The following GALNT2 variants were observed in gnomAD, a reference collection of about 807,000 sequenced individuals.
GALNT2 encodes UDP-GalNAc:polypeptide N-acetylgalactosaminyltransferase 2.
Under a neutral mutation model 81.4 loss-of-function variants are expected in GALNT2, and 31 were observed. That is an observed-to-expected ratio of 0.38 (90% confidence interval 0.29 to 0.51). The LOEUF (loss-of-function observed/expected upper bound fraction) is 0.51. Among genes scored for constraint, GALNT2 ranks in the 20% least tolerant of loss-of-function variants. GALNT2 has a pLI of 0.87. For missense variants in GALNT2, 629 were observed against 765.7 expected, an observed-to-expected ratio of 0.82 and a Z score of 2.11; for synonymous variants, 303 against 287.4, an observed-to-expected ratio of 1.05 and a Z score of -0.55.
intron 1 of GALNT2, among the ~76,000 whole-genome samples, chr1:230,176,114 C>T (rs1662971282): frequency 6.6e-6 from 1 of 151,902 alleles, no homozygotes; most frequent in African/African-American, 2.4e-5. Flanking sequence ...CATGAACTCA[C>T]CCTGCACTAG....
chr1:230,189,308 T>C (rs1663441359), intron 2 of GALNT2, among the ~76,000 whole-genome samples: 1 of 152,176 alleles, frequency 6.6e-6, no homozygotes, highest in Non-Finnish European at 1.5e-5. Flanking sequence ...TCCTGGGCTG[T>C]GTCTTCATCA....
rs1423684617 is a variant in GALNT2 at position 230,271,730 on chromosome 1, G to A, written c.1441-2715G>A. ...TGGACGGGAGAGATGCATAGCACGCGGTGTGGAGGTGGGGTGTTGGAGCTT... is the reference window on the plus strand; with the variant it reads ...TGGACGGGAGAGATGCATAGCACGCAGTGTGGAGGTGGGGTGTTGGAGCTT... On this transcript the variant is annotated intron_variant, in intron 14 of 15. Transcript: ENST00000366672. The surrounding 1 kb of genome is among the most constrained non-coding windows in gnomAD (Gnocchi z 4.2). 1.3e-5 allele frequency among the ~76,000 whole-genome samples: 2 copies of A among 152,270 alleles called. No homozygotes were observed. Among genetic ancestry groups the A allele is most frequent in the Non-Finnish European group, 2.9e-5 (2 of 68,050 alleles).
intron 1 of GALNT2, among the ~76,000 whole-genome samples, chr1:230,156,496 G>A (rs1411939224): frequency 6.6e-6 from 1 of 151,868 alleles, no homozygotes; most frequent in Non-Finnish European, 1.5e-5. Flanking sequence ...TTCAACGTTC[G>A]TTTCCTAAAA....
chr1:230,124,256 G>A lies in GALNT2; in HGVS notation c.127-53962G>A, dbSNP rs981573806. On this transcript the variant is annotated intron_variant, in intron 1 of 15. Coordinates refer to ENST00000366672, the MANE Select transcript of GALNT2 (RefSeq NM_004481.5). ...TTATTATTTTCTTCTCTTTAATTTT[G>A]ATGTAGACATGGAGACAGCAGAGGG... is the stretch of plus-strand genomic sequence containing the variant. Among the ~76,000 whole-genome samples the A allele has an allele frequency of 3.9e-5, 6 of 152,212 alleles. No homozygotes were observed. In the Middle Eastern group the frequency reaches 0.01, roughly 259 times the overall value.
At chr1:230,144,577 T>C (rs1322698771) in intron 1 of GALNT2, among the ~76,000 whole-genome samples, 1 of 152,230 alleles carries the variant, frequency 6.6e-6, no homozygotes, top group Non-Finnish European at 1.5e-5. Context: ...AGACGCTGTA[T>C]ACTCTTAGGT....
intron 2 of GALNT2, among the ~76,000 whole-genome samples, chr1:230,190,126 A>C (rs1383377350): frequency 6.6e-6 from 1 of 152,254 alleles, no homozygotes; most frequent in Non-Finnish European, 1.5e-5. Flanking sequence ...AGTGGCTGTC[A>C]GTGTCTTTAG....
chr1:230,262,186 G>A (rs1026158373), intron 11 of GALNT2: 2 of 181,328 alleles, frequency 1.1e-5, no homozygotes, highest in Non-Finnish European at 2.3e-5. Flanking sequence ...GCTGTGCTCT[G>A]TGGCCCCGGC....
chr1:230,082,907 G>A (rs1263959813), intron 1 of GALNT2, among the ~76,000 whole-genome samples: 1 of 152,088 alleles, frequency 6.6e-6, no homozygotes, highest in Non-Finnish European at 1.5e-5. Context: ...CCAGGATGAT[G>A]GACAGGGAGC....
At chr1:230,159,122 CAA>C (rs1395520815) in intron 1 of GALNT2, among the ~76,000 whole-genome samples, 1 of 152,216 alleles carries the variant, frequency 6.6e-6, no homozygotes, top group Admixed American at 6.5e-5. Context: ...CTGTAATCCG[CAA>C]ACATTCCTTT....
intron 1 of GALNT2, among the ~76,000 whole-genome samples, chr1:230,111,268 C>T (rs183263247): frequency 9.4e-6 from 1 of 106,572 alleles, no homozygotes; most frequent in African/African-American, 3.1e-5. Flanking sequence ...CACACGTGCA[C>T]ACTGCAATGT....
chr1:230,249,140 G>C lies in GALNT2; in HGVS notation c.818-44G>C, dbSNP rs563669465. On this transcript the variant is annotated intron_variant, in intron 8 of 15. Transcript: ENST00000366672. ...AGGAATGGGGGTGTCGGGAGGAAGT[G>C]GCCAGTCTCTTGTCAACACCCTGTT... The C allele has an allele frequency of 1.0e-5, 16 of 1,534,678 alleles. No individual in the cohort carries two copies. The Admixed American group carries it at 2.2e-4, about 21-fold the overall frequency.
rs1666159718 is a variant in GALNT2, at chr1:230,271,473, C to T, written c.1441-2972C>T. On this transcript the variant is annotated intron_variant, in intron 14 of 15. Coordinates refer to ENST00000366672, the MANE Select transcript of GALNT2 (RefSeq NM_004481.5). This position sits in a 1 kb window ranked among gnomAD's most constrained non-coding sequence, Gnocchi z 4.2. ...CCTGTCAACTCAGTTCTGACACTGC[C>T]TACCCAGAGTTAGCACAGACCCCAC... 6.6e-6 allele frequency among the ~76,000 whole-genome samples: 1 copy of T among 152,208 alleles called. No individual in the cohort carries two copies. The highest frequency in any genetic ancestry group is 1.5e-5 in the Non-Finnish European group (1 of 68,036).
At chr1:230,079,570 C>G (rs928488180) in intron 1 of GALNT2, among the ~76,000 whole-genome samples, 5 of 152,230 alleles carry the variant, frequency 3.3e-5, no homozygotes, top group Non-Finnish European at 7.3e-5. Context: ...CGTGAAACAT[C>G]AGGTTACAAA....
Position 230,202,795 on chromosome 1 carries a change from C to A in GALNT2, c.221-342C>A, listed in dbSNP as rs1663940363. 4.6e-5 allele frequency among the ~76,000 whole-genome samples: 7 copies of A among 152,276 alleles called. 1 individual carries two copies. The South Asian group carries it at 1.5e-3, about 32-fold the overall frequency. On this transcript the variant is annotated intron_variant, in intron 2 of 15. Coordinates refer to ENST00000366672, the MANE Select transcript of GALNT2 (RefSeq NM_004481.5). ...CCTGAGATAATGTCAACATTATAAT[C>A]CCTGGAAAGGTGGGACAAGCTGAGA...
At chr1:230,204,359 G>A (rs2102707947) in intron 3 of GALNT2, among the ~76,000 whole-genome samples, 1 of 151,964 alleles carries the variant, frequency 6.6e-6, no homozygotes, top group East Asian at 1.9e-4. Flanking sequence ...AGTAGAGATG[G>A]GATTTCACCA....
intron 1 of GALNT2, among the ~76,000 whole-genome samples, chr1:230,151,619 G>T (rs985192427): frequency 1.3e-5 from 2 of 152,128 alleles, no homozygotes; most frequent in Non-Finnish European, 2.9e-5. Context: ...TGCCCACCAC[G>T]TAAGCTAAGG....
At chr1:230,202,824 TCTC>T (rs1389578616) in intron 2 of GALNT2, among the ~76,000 whole-genome samples, 1 of 152,214 alleles carries the variant, frequency 6.6e-6, no homozygotes, top group East Asian at 1.9e-4. Context: ...GCTGAGAACA[TCTC>T]CTTTTATAGA....
At chr1:230,191,631 C>A (rs1363082092) in intron 2 of GALNT2, among the ~76,000 whole-genome samples, 1 of 152,226 alleles carries the variant, frequency 6.6e-6, no homozygotes, top group African/African-American at 2.4e-5. Context: ...CCTGCTTCAG[C>A]CTCCCACACA....
chr1:230,208,477 G>A (rs1373926608), intron 3 of GALNT2, among the ~76,000 whole-genome samples: 1 of 152,200 alleles, frequency 6.6e-6, no homozygotes, highest in Non-Finnish European at 1.5e-5. Flanking sequence ...TAGGTGGTGG[G>A]ATATGTGTCT....
Sources: gnomAD v4.1 joint callset for allele counts (sites outside exome capture counted in the v4.1 genomes callset) on GRCh38, gnomAD v4.1.1 for gene constraint, Gnocchi (gnomAD v3.1) non-coding constraint, MANE v1.5 for transcripts, NCBI Gene and HGNC (gene_info 2026-07-23, HGNC 2026-07-21) for gene names.